VAV3: variants seen among roughly 807,000 people sequenced by gnomAD.
VAV3 encodes the protein guanine nucleotide exchange factor VAV3.
In VAV3, 94 loss-of-function variants were observed where a neutral mutation model predicts 131.2. That is an observed-to-expected ratio of 0.72 (90% confidence interval 0.61 to 0.85). The LOEUF (loss-of-function observed/expected upper bound fraction) is 0.85. VAV3 is among the 40% of genes least tolerant of loss of function. VAV3 has a pLI of 0.00. For synonymous variants in VAV3, 349 were observed against 342.0 expected (o/e 1.02, Z -0.22); for missense variants, 939 against 1,002.7 (o/e 0.94, Z 0.86).
intron 10 of VAV3, among the ~76,000 whole-genome samples, chr1:107,760,192 C>T (rs1320775176): frequency 6.6e-6 from 1 of 152,136 alleles, no homozygotes; most frequent in East Asian, 1.9e-4. Flanking sequence ...TACACTAAGA[C>T]ATTTCTTTGG....
At chr1:107,677,960 C>G (rs12046073) in intron 19 of VAV3, 1 of 151,964 alleles carries the variant, frequency 6.6e-6, no homozygotes. Flanking sequence ...CCTCCTCCAA[C>G]CAAGAAAGAT....
At chr1:107,577,070 G>A (rs1442732689) in intron 25 of VAV3, among the ~76,000 whole-genome samples, 1 of 152,198 alleles carries the variant, frequency 6.6e-6, no homozygotes, top group Non-Finnish European at 1.5e-5. Context: ...AAAGTTACAT[G>A]TCTATGGATG....
intron 2 of VAV3, among the ~76,000 whole-genome samples, chr1:107,784,138 T>C (rs143655848): frequency 4.4e-4 from 67 of 152,202 alleles, no homozygotes; most frequent in African/African-American, 1.1e-3. Flanking sequence ...ACATAAAAGA[T>C]GCCCTTCACA....
chr1:107,796,363 G>A lies in VAV3; in HGVS notation c.322-16871C>T, dbSNP rs181036411. Among the ~76,000 whole-genome samples, 23 of 152,206 alleles carry A rather than the reference G, an allele frequency of 1.5e-4. No individual in the cohort carries two copies. The East Asian group carries it at 3.7e-3, about 24-fold the overall frequency. ...CAACTCCTATCAGTGAGCAAACAGC[G>A]AACCAGTCTCATTGGTTATTTTTTC... On this transcript the variant is annotated intron_variant, in intron 2 of 26. Transcript: ENST00000370056.
rs1163791644 is a variant in VAV3 at position 107,772,727 on chromosome 1, A to T, written c.555+8T>A. 6.2e-7 allele frequency: 1 copy of T among 1,601,928 alleles called. No homozygotes were observed. Among genetic ancestry groups the T allele is most frequent in the Non-Finnish European group, 8.5e-7 (1 of 1,174,256 alleles). On this transcript the variant is annotated splice_region_variant and intron_variant, in intron 5 of 26. Coordinates refer to ENST00000370056, the MANE Select transcript of VAV3 (RefSeq NM_006113.5). ...CAGAGTAACTTTAAAAACAAGTAAA[A>T]GTCCTACGGGCTGATGTGCTTCCTC...
At chr1:107,874,178 T>A (rs1483809244) in intron 2 of VAV3, among the ~76,000 whole-genome samples, 2 of 152,190 alleles carry the variant, frequency 1.3e-5, no homozygotes, top group African/African-American at 2.4e-5. Context: ...ACCTGACTCT[T>A]TTATGGCTAG....
Position 107,776,938 on chromosome 1 carries a change from T to A in VAV3, c.446+293A>T, listed in dbSNP as rs530745798. Among the ~76,000 whole-genome samples, 3 of 152,358 alleles carry A rather than the reference T, an allele frequency of 2.0e-5. No homozygotes were observed. The South Asian group carries it at 6.2e-4, about 32-fold the overall frequency. ...CTCCAGCAGCAGATTCTATTTCTTT[T>A]AAATTGTTCCCTAACTCCAGTTTTA... On this transcript the variant is annotated intron_variant, in intron 4 of 26. Transcript: ENST00000370056.
rs1570889631 is a variant in VAV3 at position 107,748,872 on chromosome 1, T to C, written c.1502+96A>G. ...TTCCCGTCGCTGTACACATTATACA[T>C]GCTACAAGCATTAGAGTACACTTAT... On this transcript the variant is annotated intron_variant, in intron 15 of 26. Coordinates refer to ENST00000370056, the MANE Select transcript of VAV3 (RefSeq NM_006113.5). The C allele has an allele frequency of 9.6e-6, 9 of 932,818 alleles. No homozygotes were observed. The East Asian group carries it at 2.4e-4, about 25-fold the overall frequency. 57.8% of individuals were successfully genotyped at this position (932,818 alleles called of 1,614,324 possible).
intron 19 of VAV3, among the ~76,000 whole-genome samples, chr1:107,660,270 T>G (rs896812126): frequency 6.6e-6 from 1 of 152,196 alleles, no homozygotes; most frequent in Non-Finnish European, 1.5e-5. Flanking sequence ...GTGGCAACAG[T>G]GAGCACTGCT....
intron 22 of VAV3, 62 bp from the exon 23 acceptor site, chr1:107,603,225 AG>A: frequency 8.3e-7 from 1 of 1,199,180 alleles, no homozygotes. Flanking sequence ...AGAGGCTAAA[AG>A]TAAGTATCTC....
chr1:107,637,785 C>A (rs1250882841), intron 20 of VAV3, among the ~76,000 whole-genome samples: 1 of 152,076 alleles, frequency 6.6e-6, no homozygotes, highest in Non-Finnish European at 1.5e-5. Flanking sequence ...GACTAGATCC[C>A]AATTCATTCC....
At chr1:107,590,565 T>G (rs1650868922) in intron 25 of VAV3, among the ~76,000 whole-genome samples, 1 of 152,226 alleles carries the variant, frequency 6.6e-6, no homozygotes. Flanking sequence ...CAGTGCCAGC[T>G]GCATCCTGAA....
At chr1:107,808,376 A>G (rs1667161625) in intron 2 of VAV3, among the ~76,000 whole-genome samples, 1 of 152,194 alleles carries the variant, frequency 6.6e-6, no homozygotes, top group African/African-American at 2.4e-5. Flanking sequence ...ATAGAATACT[A>G]AAACTCAAAA....
chr1:107,591,636 C>T (rs760264263), intron 25 of VAV3, among the ~76,000 whole-genome samples: 1 of 152,170 alleles, frequency 6.6e-6, no homozygotes, highest in Non-Finnish European at 1.5e-5. Flanking sequence ...CAAATGGGAT[C>T]ATCTCCACAA....
intron 20 of VAV3, among the ~76,000 whole-genome samples, chr1:107,631,634 C>G (rs1192532575): frequency 1.8e-5 from 2 of 112,772 alleles, no homozygotes; most frequent in Non-Finnish European, 3.5e-5. Flanking sequence ...CCCCTCCCCC[C>G]ACCCCACAAC....
intron 1 of VAV3, among the ~76,000 whole-genome samples, chr1:107,884,032 A>C (rs1353964419): frequency 2.6e-5 from 4 of 152,070 alleles, no homozygotes; most frequent in African/African-American, 9.7e-5. Context: ...TTAACCTGCT[A>C]ATGAAAGTGG....
chr1:107,745,110 T>C (rs951867713), intron 15 of VAV3, among the ~76,000 whole-genome samples: 7 of 152,164 alleles, frequency 4.6e-5, no homozygotes, highest in African/African-American at 1.4e-4. Flanking sequence ...AGCATGATTA[T>C]GAAAACCAGT....
chr1:107,798,949 T>G (rs952541059), intron 2 of VAV3, among the ~76,000 whole-genome samples: 1 of 152,090 alleles, frequency 6.6e-6, no homozygotes, highest in African/African-American at 2.4e-5. Context: ...GATTTTCAAA[T>G]TTTTTTCTTT....
chr1:107,922,947 G>A lies in VAV3; in HGVS notation c.204+41719C>T, dbSNP rs186089258. Among the ~76,000 whole-genome samples, 882 of 115,460 alleles carry A rather than the reference G, an allele frequency of 7.6e-3. 6 individuals carry two copies. Among genetic ancestry groups the A allele is most frequent in the African/African-American group, 0.025 (802 of 31,470 alleles). The allele number at this position is 115,460 out of a possible 152,430, so 75.7% of individuals were successfully genotyped here. A position where few individuals can be genotyped will look rare whatever the true frequency, so the allele number is the denominator to read the frequency against. ...AGCCTGGGCGACAGAGCGAGACTCC[G>A]TCTCAAAAAAAAAAAAGAAAAAAAA... is the stretch of plus-strand genomic sequence containing the variant. On this transcript the variant is annotated intron_variant, in intron 1 of 26. Transcript: ENST00000370056.
Sources: allele counts gnomAD v4.1 joint callset (sites outside exome capture counted in the v4.1 genomes callset), GRCh38; gene constraint gnomAD v4.1.1; transcripts MANE v1.5; gene names NCBI Gene and HGNC (gene_info 2026-07-23, HGNC 2026-07-21).